The following NME7 variants were observed in gnomAD, a reference collection of about 807,000 sequenced individuals.
NME7 encodes NME/NM23 family member 7.
In NME7, 41 loss-of-function variants were observed where a neutral mutation model predicts 49.1. The ratio of observed to expected loss-of-function variants is 0.83; its 90% CI spans 0.65 to 1.08. NME7 has a LOEUF of 1.08. NME7 is among the 50% of genes least tolerant of loss of function. NME7 has a pLI of 0.00. For synonymous variants in NME7, 139 were observed against 150.6 expected (o/e 0.92, Z 0.56); for missense variants, 423 against 463.4 (o/e 0.91, Z 0.80).
intron 11 of NME7, among the ~76,000 whole-genome samples, chr1:169,135,593 AAG>A (rs1658404832): frequency 6.6e-6 from 1 of 152,020 alleles, no homozygotes; most frequent in African/African-American, 2.4e-5. Context: ...TTTTTTCTTT[AAG>A]AGGGGGCTAC....
chr1:169,303,196 C>T lies in NME7; in HGVS notation c.390-1G>A. 1 of 1,512,612 alleles carries T rather than the reference C, an allele frequency of 6.6e-7. No homozygotes were observed. The highest frequency in any genetic ancestry group is 9.0e-7 in the Non-Finnish European group (1 of 1,111,848). The allele number at this position is 1,512,612 out of a possible 1,614,324, so 93.7% of individuals were successfully genotyped here. A position where few individuals can be genotyped will look rare whatever the true frequency, so the allele number is the denominator to read the frequency against. ...TACATGAAAATCCAATGCTTCTTTC[C>T]TATAAAATAATCAAAAAGGCAATAG... is the stretch of plus-strand genomic sequence containing the variant. On this transcript the variant is annotated splice_acceptor_variant, in intron 4 of 11. Transcript: ENST00000367811. LOFTEE classifies it high-confidence loss of function.
At chr1:169,274,379 A>T (rs1649614904) in intron 7 of NME7, among the ~76,000 whole-genome samples, 1 of 132,204 alleles carries the variant, frequency 7.6e-6, no homozygotes, top group African/African-American at 2.6e-5. Context: ...CTTTGTCAGA[A>T]GAGTAGGTTG....
intron 4 of NME7, among the ~76,000 whole-genome samples, chr1:169,304,854 A>C (rs1651110195): frequency 6.6e-6 from 1 of 152,188 alleles, no homozygotes; most frequent in South Asian, 2.1e-4. Context: ...AAAACTCACA[A>C]AAAAAGAGAT....
intron 10 of NME7, among the ~76,000 whole-genome samples, chr1:169,200,432 T>C (rs1660514548): frequency 6.6e-6 from 1 of 152,110 alleles, no homozygotes; most frequent in African/African-American, 2.4e-5. Context: ...CTTTTTATTC[T>C]GATGTTTTAA....
rs1304053578 is a variant in NME7 at position 169,237,682 on chromosome 1, A to G, written c.760T>C (p.Leu254=). Residue 254 remains leucine (L), a synonymous_variant, in exon 8 of 12, where the codon TTG becomes CTG. Coordinates refer to ENST00000367811, the MANE Select transcript of NME7 (RefSeq NM_013330.5). ...VKPHAVSEGL[L]GKILMAIRDA... is the part of the protein sequence containing the mutation. ...CGGATAGCCATCAGGATCTTTCCCA[A>G]CAGTCCTGAAAATGAAGGACAATGA... is the stretch of plus-strand genomic sequence containing the variant. 1 of 1,608,766 alleles carries G rather than the reference A, an allele frequency of 6.2e-7. No individual in the cohort carries two copies. Among genetic ancestry groups the G allele is most frequent in the East Asian group, 2.2e-5 (1 of 44,676 alleles).
intron 10 of NME7, among the ~76,000 whole-genome samples, chr1:169,178,804 C>T (rs1187424098): frequency 1.3e-5 from 2 of 148,354 alleles, no homozygotes; most frequent in Non-Finnish European, 3.0e-5. Context: ...AATTAGACTT[C>T]TAGCTGAAAC....
At chr1:169,344,636 T>G (rs184717987) in intron 1 of NME7, among the ~76,000 whole-genome samples, 1 of 142,452 alleles carries the variant, frequency 7.0e-6, no homozygotes, top group Non-Finnish European at 1.6e-5. Flanking sequence ...TTATGTGTGT[T>G]TTATCCTTTA....
chr1:169,137,444 G>A (rs764127173), intron 11 of NME7, among the ~76,000 whole-genome samples: 2 of 152,200 alleles, frequency 1.3e-5, no homozygotes, highest in African/African-American at 2.4e-5. Flanking sequence ...TGAACAGATC[G>A]ATGGTTGAGA....
intron 10 of NME7, among the ~76,000 whole-genome samples, chr1:169,204,295 A>T (rs1200176485): frequency 6.6e-6 from 1 of 151,292 alleles, no homozygotes; most frequent in Non-Finnish European, 1.5e-5. Flanking sequence ...ACTTTCACTC[A>T]ATCCATACTA....
intron 7 of NME7, among the ~76,000 whole-genome samples, chr1:169,240,827 G>C (rs530054241): frequency 6.6e-6 from 1 of 152,150 alleles, no homozygotes; most frequent in South Asian, 2.1e-4. Context: ...AACTGAAAGT[G>C]GTGAATACAG....
chr1:169,176,738 T>C (rs374546142), intron 10 of NME7, among the ~76,000 whole-genome samples: 2 of 147,452 alleles, frequency 1.4e-5, no homozygotes, highest in African/African-American at 5.0e-5. Context: ...CTTGGTTCTT[T>C]TTTAAAAGAA....
At chr1:169,306,033 C>T (rs909832051) in intron 4 of NME7, among the ~76,000 whole-genome samples, 13 of 152,220 alleles carry the variant, frequency 8.5e-5, no homozygotes, top group African/African-American at 2.6e-4. Context: ...TGGTTCTGAA[C>T]GATGAATAGG....
intron 1 of NME7, among the ~76,000 whole-genome samples, chr1:169,347,854 G>C (rs1358745105): frequency 6.6e-6 from 1 of 152,124 alleles, no homozygotes; most frequent in Non-Finnish European, 1.5e-5. Flanking sequence ...AGCAGCCCTG[G>C]TTGCAGAGAT....
Position 169,308,095 on chromosome 1 carries a change from T to C in NME7, c.389+1875A>G, listed in dbSNP as rs531101547. ...GTCAACTGTTCAGTCACACACCTAGTAAGTAGCACAGTTACAAGCAATCTG... is the reference window on the plus strand; with the variant it reads ...GTCAACTGTTCAGTCACACACCTAGCAAGTAGCACAGTTACAAGCAATCTG... On this transcript the variant is annotated intron_variant, in intron 4 of 11. Transcript: ENST00000367811. Among the ~76,000 whole-genome samples, 185 of 152,078 alleles carry C rather than the reference T, an allele frequency of 1.2e-3. 1 individual carries two copies. The highest frequency in any genetic ancestry group is 4.2e-3 in the African/African-American group (174 of 41,474).
chr1:169,276,742 T>C lies in NME7; in HGVS notation c.754+10561A>G, dbSNP rs1256560252. On this transcript the variant is annotated intron_variant, in intron 7 of 11. Coordinates refer to ENST00000367811, the MANE Select transcript of NME7 (RefSeq NM_013330.5). ...GCCTTCTGCTAGCTTTTGAATGTTGTTTGCTCTTGCTTTTCTAGTTCTTTT... is the reference window on the plus strand; with the variant it reads ...GCCTTCTGCTAGCTTTTGAATGTTGCTTGCTCTTGCTTTTCTAGTTCTTTT... Among the ~76,000 whole-genome samples, 2 of 133,478 alleles carry C rather than the reference T, an allele frequency of 1.5e-5. 1 individual carries two copies. The highest frequency in any genetic ancestry group is 3.5e-5 in the Non-Finnish European group (2 of 56,948). 87.6% of individuals were successfully genotyped at this position (133,478 alleles called of 152,430 possible).
At chr1:169,157,279 T>C (rs1210257398) in intron 11 of NME7, among the ~76,000 whole-genome samples, 4 of 152,174 alleles carry the variant, frequency 2.6e-5, no homozygotes, top group Non-Finnish European at 2.9e-5. Context: ...GCCTGCAATA[T>C]GTTAGCAGCT....
chr1:169,298,835 T>C, intron 5 of NME7, 72 bp from the exon 6 acceptor site: 2 of 1,194,706 alleles, frequency 1.7e-6, no homozygotes, highest in South Asian at 1.4e-5. Flanking sequence ...CGACAGGATA[T>C]ATTTAAATTG....
At chr1:169,161,830 T>G (rs1280065935) in intron 11 of NME7, among the ~76,000 whole-genome samples, 1 of 152,204 alleles carries the variant, frequency 6.6e-6, no homozygotes, top group Non-Finnish European at 1.5e-5. Context: ...GCTGCTAAAA[T>G]GTAGACCTAG....
At chr1:169,228,630 T>C (rs1430044072) in intron 10 of NME7, among the ~76,000 whole-genome samples, 2 of 148,610 alleles carry the variant, frequency 1.3e-5, no homozygotes, top group Non-Finnish European at 3.0e-5. Context: ...TGAGCCGAGA[T>C]TGCGCCACTG....
Sources: gnomAD v4.1 joint callset for allele counts (sites outside exome capture counted in the v4.1 genomes callset) on GRCh38, gnomAD v4.1.1 for gene constraint, MANE v1.5 for transcripts, NCBI Gene and HGNC (gene_info 2026-07-23, HGNC 2026-07-21) for gene names.